The following TRRAP variants were observed in gnomAD, a reference collection of about 807,000 sequenced individuals.
TRRAP encodes the protein transformation/transcription domain associated protein.
In TRRAP, 41 loss-of-function variants were observed where a neutral mutation model predicts 438.8. That is an observed-to-expected ratio of 0.09 (90% CI 0.07 to 0.12). The LOEUF (loss-of-function observed/expected upper bound fraction) is 0.12. Among genes scored for constraint, TRRAP ranks in the 10% least tolerant of loss-of-function variants. The pLI, the probability that TRRAP is intolerant of heterozygous loss-of-function variation, is 1.00. For synonymous variants in TRRAP, 1,994 were observed against 1,962.9 expected (o/e 1.02, Z -0.42); for missense variants, 3,122 against 5,055.1 (o/e 0.62, Z 11.60).
chr7:98,928,494 T>C (rs1433840292), intron 23 of TRRAP, among the ~76,000 whole-genome samples: 2 of 152,220 alleles, frequency 1.3e-5, no homozygotes, highest in Non-Finnish European at 2.9e-5. Flanking sequence ...ACTTTGATTG[T>C]TTCTCAGTGT....
chr7:98,994,743 G>A lies in TRRAP; in HGVS notation c.10204G>A (p.Val3402Ile), dbSNP rs545487361. ...FGVGLENVSNVSTMFSSAASE... is the reference protein window; with the variant it reads ...FGVGLENVSNISTMFSSAASE... ...GGTGGGCCTGGAGAATGTGTCCAAC[G>A]TCTCGACCATGTTCTCCAGCGCAGC... The change falls in exon 67 of 73, where the codon GTC (valine) becomes ATC (isoleucine). Residue 3402 changes from valine to isoleucine, a missense_variant. By Grantham distance (29) the Val-to-Ile change is conservative. Around this residue, in one of 24 missense-constraint regions of TRRAP, gnomAD observed 107 missense variants for 327.5 expected, o/e 0.33. Transcript: ENST00000456197. This position sits in a 1 kb window ranked among gnomAD's most constrained non-coding sequence, Gnocchi z 4.8. 8.1e-6 allele frequency: 13 copies of A among 1,614,204 alleles called. No homozygotes were observed. The highest frequency in any genetic ancestry group is 2.2e-5 in the South Asian group (2 of 91,082).
intron 29 of TRRAP, 121 bp from the exon 30 acceptor site, chr7:98,937,529 T>TG (rs1790612536): frequency 3.4e-6 from 4 of 1,181,770 alleles, no homozygotes; most frequent in African/African-American, 1.6e-5. Context: ...TAGTATATGA[T>TG]TAATATTCCA....
Position 98,925,261 on chromosome 7 carries a change from C to T in TRRAP, c.2973C>T (p.Pro991=). Reference sequence around the variant, plus strand: ...CACTCTACCAGCTCCTGGCACACCCCAAGTATGTCGGCCACTTCCTTCTGT... The same window carrying T: ...CACTCTACCAGCTCCTGGCACACCCTAAGTATGTCGGCCACTTCCTTCTGT... ...KHALYQLLAH[P]NFTEKTIPNV... Residue 991 remains proline, a splice_region_variant and synonymous_variant, in exon 22 of 73, where the codon CCC becomes CCT. Coordinates refer to ENST00000456197, the MANE Select transcript of TRRAP (RefSeq NM_001375524.1). The T allele has an allele frequency of 6.2e-7, 1 of 1,613,478 alleles. No homozygotes were observed. The highest frequency in any genetic ancestry group is 8.5e-7 in the Non-Finnish European group (1 of 1,179,746).
In TRRAP at chr7:99,001,846, A is replaced by G. The variant is rs531517997; in HGVS notation, c.10310-2344A>G. ...GACTTCCATTCATGTGGGAACTGGT[A>G]CACAAATATTCAGAGCCTTTGTTAC... is the stretch of plus-strand genomic sequence containing the variant. On this transcript the variant is annotated intron_variant, in intron 67 of 72. Coordinates refer to ENST00000456197, the MANE Select transcript of TRRAP (RefSeq NM_001375524.1). Among the ~76,000 whole-genome samples the G allele has an allele frequency of 2.6e-5, 4 of 152,338 alleles. No homozygotes were observed. In the East Asian group the frequency reaches 5.8e-4, roughly 22 times the overall value.
Position 98,958,020 on chromosome 7 carries a change from C to T in TRRAP, c.6271C>T (p.Leu2091Phe). The change falls in exon 44 of 73, where the codon CTC becomes TTC. Residue 2091 changes from leucine to phenylalanine, a missense_variant. Leu to Phe is a conservative substitution (Grantham distance 22, BLOSUM62 0). Transcript: ENST00000456197. ...CCAGTCGCTACCTGGAGCAGACTCT[C>T]TCCTCGCCAAGCCCATTGACAAGCA... ...RSQSLPGADS[L>F]LAKPIDKQHT... 4 of 1,614,184 alleles carry T rather than the reference C, an allele frequency of 2.5e-6. No homozygotes were observed. The highest frequency in any genetic ancestry group is 3.4e-6 in the Non-Finnish European group (4 of 1,180,036).
intron 69 of TRRAP, among the ~76,000 whole-genome samples, chr7:99,006,960 C>T (rs762868111): frequency 1.3e-5 from 2 of 152,206 alleles, no homozygotes; most frequent in African/African-American, 2.4e-5. Context: ...GGTCGCCCAG[C>T]GCTCCTGCCG....
chr7:98,994,769 C>T lies in TRRAP; in HGVS notation c.10230C>T (p.Ala3410=). The T allele has an allele frequency of 6.2e-7, 1 of 1,614,194 alleles. No homozygotes were observed. Among genetic ancestry groups the T allele is most frequent in the Non-Finnish European group, 8.5e-7 (1 of 1,180,012 alleles). The part of the protein sequence containing the change: ...SNVSTMFSSA[A]SESLARRAQA... ...TCTCGACCATGTTCTCCAGCGCAGC[C>T]TCTGAGTCTCTGGCCCGGCGGGCGC... Residue 3410 remains alanine, a synonymous_variant, in exon 67 of 73, where the codon GCC becomes GCT. Coordinates refer to ENST00000456197, the MANE Select transcript of TRRAP (RefSeq NM_001375524.1). The surrounding 1 kb of genome is among the most constrained non-coding windows in gnomAD (Gnocchi z 4.8).
Position 98,959,434 on chromosome 7 carries a change from A to C in TRRAP, c.6433A>C (p.Met2145Leu), listed in dbSNP as rs767750667. 5.0e-6 allele frequency: 8 copies of C among 1,613,878 alleles called. No homozygotes were observed. The South Asian group carries it at 7.7e-5, about 16-fold the overall frequency. The change falls in exon 45 of 73, where the codon ATG becomes CTG. Residue 2145 changes from methionine (M) to leucine (L), a missense_variant. Around this residue, in one of 24 missense-constraint regions of TRRAP, gnomAD observed 992 missense variants for 1,281.2 expected, o/e 0.77. Coordinates refer to ENST00000456197, the MANE Select transcript of TRRAP (RefSeq NM_001375524.1). ...TCTGAAGACTGCGTTGCGGCCAGAC[A>C]TGTGGCCCAAGTCCGAACTCAAGCT... ...NLLKTALRPD[M>L]WPKSELKLQW...
chr7:98,890,803 TTTA>T (rs1470295016), intron 4 of TRRAP, among the ~76,000 whole-genome samples: 6 of 135,262 alleles, frequency 4.4e-5, no homozygotes, highest in African/African-American at 1.3e-4. Context: ...TTTTTTTTTT[TTTA>T]AAAGACAAGG....
rs757865077 is a variant in TRRAP, at chr7:98,976,268, T to C, written c.7959T>C (p.His2653=). 7 of 1,614,122 alleles carry C rather than the reference T, an allele frequency of 4.3e-6. No individual in the cohort carries two copies. The highest frequency in any genetic ancestry group is 4.5e-5 in the East Asian group (2 of 44,878). ...LWKILSDRQQ[H]ALAGEISPFL... The stretch of plus-strand genomic sequence containing the variant: ...AGATCCTCTCTGACAGACAGCAGCA[T>C]GTGAGTGTATCTTTAAAATCCTGTT... Residue 2653 remains histidine (H), a splice_region_variant and synonymous_variant, in exon 54 of 73, where the codon CAT becomes CAC. Transcript: ENST00000456197. This position sits in a 1 kb window ranked among gnomAD's most constrained non-coding sequence, Gnocchi z 4.6.
At chr7:98,989,828 A>G (rs527682249) in intron 63 of TRRAP, among the ~76,000 whole-genome samples, 1 of 152,356 alleles carries the variant, frequency 6.6e-6, no homozygotes, top group South Asian at 2.1e-4. Context: ...TCATGAGTGT[A>G]GGTTAACGGG....
chr7:98,958,658 C>T (rs914527236), intron 44 of TRRAP, among the ~76,000 whole-genome samples: 7 of 152,078 alleles, frequency 4.6e-5, no homozygotes, highest in African/African-American at 1.7e-4. Context: ...TAATGATGTG[C>T]CTTCTAGTTG....
Position 98,953,296 on chromosome 7 carries a change from C to T in TRRAP, c.5593C>T (p.Leu1865=). Residue 1865 remains leucine (L), a synonymous_variant, in exon 40 of 73, where the codon CTG becomes TTG. Transcript: ENST00000456197. ...HDNNKNRNSK[L]RRLMTFAWPC... is the part of the protein sequence containing the mutation. ...CAACAACAAGAACCGCAACAGCAAGCTGCGCCGCCTCATGACCTTCGCCTG... is the reference window on the plus strand; with the variant it reads ...CAACAACAAGAACCGCAACAGCAAGTTGCGCCGCCTCATGACCTTCGCCTG... 1.9e-6 allele frequency: 3 copies of T among 1,614,022 alleles called. No homozygotes were observed. The highest frequency in any genetic ancestry group is 1.7e-6 in the Non-Finnish European group (2 of 1,180,044).
intron 62 of TRRAP, among the ~76,000 whole-genome samples, chr7:98,985,627 TATC>T (rs1360038108): frequency 9.2e-5 from 14 of 152,344 alleles, no homozygotes; most frequent in African/African-American, 3.1e-4. Context: ...ATTTTGTAAA[TATC>T]ATGCAAATGA....
intron 13 of TRRAP, among the ~76,000 whole-genome samples, chr7:98,906,802 G>A (rs1300573902): frequency 1.3e-5 from 2 of 152,016 alleles, no homozygotes; most frequent in African/African-American, 2.4e-5. Context: ...AGAAATCAGA[G>A]TAATCATCTT....
At chr7:98,939,383 G>A (rs1192176455) in intron 30 of TRRAP, among the ~76,000 whole-genome samples, 1 of 152,156 alleles carries the variant, frequency 6.6e-6, no homozygotes, top group African/African-American at 2.4e-5. Context: ...TCTACACATG[G>A]AATGTAGAGA....
intron 35 of TRRAP, 100 bp from the exon 36 acceptor site, chr7:98,949,317 A>G: frequency 7.6e-7 from 1 of 1,308,548 alleles, no homozygotes; most frequent in South Asian, 2.5e-5. Context: ...GAGATTTAGA[A>G]AGATTTTTAA....
chr7:98,933,110 G>C, intron 26 of TRRAP, 131 bp from the exon 27 acceptor site: 5 of 1,248,738 alleles, frequency 4.0e-6, no homozygotes, highest in Non-Finnish European at 5.3e-6. Flanking sequence ...CACATGAAAT[G>C]TATCTCCCGT....
rs1229543933 is a variant in TRRAP at position 98,935,507 on chromosome 7, T to C, written c.4015-72T>C. 8.1e-6 allele frequency: 11 copies of C among 1,351,086 alleles called. No homozygotes were observed. The African/African-American group carries it at 1.1e-4, about 14-fold the overall frequency. The allele number at this position is 1,351,086 out of a possible 1,614,324, so 83.7% of individuals were successfully genotyped here. On this transcript the variant is annotated intron_variant, in intron 27 of 72. Transcript: ENST00000456197. ...TTGCAGTGTGTGGAAGATTGCTGTGTTCTGTTATTTGCAAGGTTATTATGT... is the reference window on the plus strand; with the variant it reads ...TTGCAGTGTGTGGAAGATTGCTGTGCTCTGTTATTTGCAAGGTTATTATGT...
Sources: gnomAD v4.1 joint callset for allele counts (sites outside exome capture counted in the v4.1 genomes callset) on GRCh38, gnomAD v4.1.1 for gene constraint, gnomAD v4.1.1 regional missense constraint, Gnocchi (gnomAD v3.1) non-coding constraint, MANE v1.5 for transcripts, NCBI Gene and HGNC (gene_info 2026-07-23, HGNC 2026-07-21) for gene names.